Variants in ZCWPW2 observed in about 807,000 individuals in gnomAD.
The protein encoded by ZCWPW2 is zinc finger CW-type and PWWP domain containing 2, also known as zinc finger CW-type PWWP domain protein 2.
In ZCWPW2, 45 loss-of-function variants were observed where a neutral mutation model predicts 46.6. The ratio of observed to expected loss-of-function variants is 0.96; its 90% CI spans 0.76 to 1.24. ZCWPW2 has a LOEUF of 1.24. Among genes scored for constraint, ZCWPW2 ranks in the 50% most tolerant of loss-of-function variants. The pLI is 0.00. For missense variants in ZCWPW2, 429 were observed against 403.9 expected (o/e 1.06, Z -0.53); for synonymous variants, 152 against 137.1 (o/e 1.11, Z -0.76).
chr3:28,426,230 G>A (rs1352207753), intron 3 of ZCWPW2, among the ~76,000 whole-genome samples: 2 of 151,748 alleles, frequency 1.3e-5, no homozygotes, highest in African/African-American at 4.8e-5. Flanking sequence ...TCTCCACAAT[G>A]TTTAAGCAGT....
intron 4 of ZCWPW2, among the ~76,000 whole-genome samples, chr3:28,443,004 G>T (rs1243767708): frequency 6.6e-6 from 1 of 152,142 alleles, no homozygotes. Context: ...CCAATGTGGG[G>T]GTTCTGCCTG....
At chr3:28,485,977 G>A (rs900437489) in intron 5 of ZCWPW2, among the ~76,000 whole-genome samples, 1 of 150,274 alleles carries the variant, frequency 6.7e-6, no homozygotes, top group African/African-American at 2.5e-5. Flanking sequence ...TTTTTAAAGT[G>A]GTGCCCTTTT....
chr3:28,496,376 A>G (rs1376657201), intron 6 of ZCWPW2, among the ~76,000 whole-genome samples: 2 of 152,082 alleles, frequency 1.3e-5, no homozygotes, highest in Non-Finnish European at 1.5e-5. Flanking sequence ...ACATTTCCAC[A>G]AACATTGTCT....
At chr3:28,352,180 T>C (rs1704580402) in intron 1 of ZCWPW2, among the ~76,000 whole-genome samples, 1 of 149,724 alleles carries the variant, frequency 6.7e-6, no homozygotes, top group Non-Finnish European at 1.5e-5. Context: ...GAGAGAATTA[T>C]GTATGCCTTG....
intron 7 of ZCWPW2, 28 bp downstream of exon 7, chr3:28,514,150 A>G (rs1440121163): frequency 4.3e-6 from 6 of 1,386,688 alleles, no homozygotes; most frequent in South Asian, 2.6e-5. Context: ...AAATAGTATT[A>G]TGATAAAATT....
chr3:28,443,276 C>T (rs1051138923), intron 4 of ZCWPW2, among the ~76,000 whole-genome samples: 7 of 152,076 alleles, frequency 4.6e-5, no homozygotes, highest in African/African-American at 1.7e-4. Flanking sequence ...AGGTGAAAGC[C>T]CAGAGGTCTC....
At chr3:28,461,966 G>T (rs1037452768) in intron 4 of ZCWPW2, among the ~76,000 whole-genome samples, 1 of 152,204 alleles carries the variant, frequency 6.6e-6, no homozygotes, top group South Asian at 2.1e-4. Flanking sequence ...AGACACCAGT[G>T]GTTGGTTGTT....
In ZCWPW2 at chr3:28,439,145, GTATA is replaced by G. The variant is rs35880062; in HGVS notation, c.492+3891_492+3894del. The stretch of plus-strand genomic sequence containing the variant: ...TATATATACACACATCATAGGATGT[GTATA>G]TATATATATATATACCTACATATAA... On this transcript the variant is annotated intron_variant, in intron 4 of 9. Transcript: ENST00000383768. Among the ~76,000 whole-genome samples, 371 of 142,090 alleles carry G rather than the reference GTATA, an allele frequency of 2.6e-3. 1 individual carries two copies. The highest frequency in any genetic ancestry group is 8.6e-3 in the African/African-American group (334 of 38,914). 93.2% of individuals were successfully genotyped at this position (142,090 alleles called of 152,430 possible).
chr3:28,515,658 C>T, intron 8 of ZCWPW2, 37 bp downstream of exon 8: 1 of 1,548,972 alleles, frequency 6.5e-7, no homozygotes, highest in Non-Finnish European at 8.7e-7. Flanking sequence ...GTTCTTTAAC[C>T]TATATATAAT....
intron 1 of ZCWPW2, among the ~76,000 whole-genome samples, chr3:28,352,079 G>A (rs769815308): frequency 7.4e-5 from 11 of 147,986 alleles, no homozygotes; most frequent in South Asian, 2.1e-4. Flanking sequence ...TCCTTCCCCC[G>A]TCTCCTTTGT....
chr3:28,471,821 A>C (rs1030262876), intron 4 of ZCWPW2, among the ~76,000 whole-genome samples: 9 of 152,310 alleles, frequency 5.9e-5, no homozygotes, highest in African/African-American at 1.4e-4. Context: ...TCTTATATTT[A>C]GAGAAACCTA....
chr3:28,359,916 A>G (rs1306510600), intron 1 of ZCWPW2, among the ~76,000 whole-genome samples: 1 of 152,174 alleles, frequency 6.6e-6, no homozygotes, highest in Non-Finnish European at 1.5e-5. Flanking sequence ...CTCATGTTTT[A>G]ATAAGAAATT....
At chr3:28,484,997 G>T (rs1699548081) in intron 5 of ZCWPW2, among the ~76,000 whole-genome samples, 1 of 151,686 alleles carries the variant, frequency 6.6e-6, no homozygotes, top group South Asian at 2.1e-4. Context: ...TTAGATTATT[G>T]ATTTTAGAGC....
At chr3:28,371,072 C>T (rs781381056) in intron 1 of ZCWPW2, among the ~76,000 whole-genome samples, 3 of 151,994 alleles carry the variant, frequency 2.0e-5, no homozygotes, top group Non-Finnish European at 4.4e-5. Flanking sequence ...AGTTATGTTT[C>T]CTTTAAACAT....
intron 2 of ZCWPW2, among the ~76,000 whole-genome samples, chr3:28,398,523 A>G (rs1695793202): frequency 6.6e-6 from 1 of 152,290 alleles, no homozygotes; most frequent in Non-Finnish European, 1.5e-5. Context: ...CGACTGCAGG[A>G]ATAAATCAAG....
intron 2 of ZCWPW2, among the ~76,000 whole-genome samples, chr3:28,391,925 A>G (rs544576547): frequency 6.6e-6 from 1 of 152,312 alleles, no homozygotes; most frequent in East Asian, 1.9e-4. Flanking sequence ...ACAGCCAGAA[A>G]AAATTTAACA....
rs181414278 is a variant in ZCWPW2, at chr3:28,505,128, A to T, written c.658-8936A>T. Among the ~76,000 whole-genome samples, 155 of 152,236 alleles carry T rather than the reference A, an allele frequency of 1.0e-3. 1 individual carries two copies. Among genetic ancestry groups the T allele is most frequent in the South Asian group, 2.1e-3 (10 of 4,818 alleles). ...GCCTTTTGTTTAGGGTGGGCTGGTG[A>T]TCAACTGCTATTTTTAGGGAAAGTG... On this transcript the variant is annotated intron_variant, in intron 6 of 9. Transcript: ENST00000383768.
At chr3:28,497,982 C>G (rs542409810) in intron 6 of ZCWPW2, among the ~76,000 whole-genome samples, 3 of 152,068 alleles carry the variant, frequency 2.0e-5, no homozygotes, top group South Asian at 2.1e-4. Flanking sequence ...TCTGTAAGTC[C>G]CTTCCTACTC....
At chr3:28,389,918 C>A (rs1695419788) in intron 1 of ZCWPW2, among the ~76,000 whole-genome samples, 1 of 152,124 alleles carries the variant, frequency 6.6e-6, no homozygotes, top group Non-Finnish European at 1.5e-5. Flanking sequence ...GAATGAGAAC[C>A]ACCCACATTA....
Sources: gnomAD v4.1 joint callset for allele counts (sites outside exome capture counted in the v4.1 genomes callset) on GRCh38, gnomAD v4.1.1 for gene constraint, MANE v1.5 for transcripts, NCBI Gene and HGNC (gene_info 2026-07-23, HGNC 2026-07-21) for gene names.